ASAP1: variants seen among roughly 807,000 people sequenced by gnomAD.
The protein encoded by ASAP1 is ArfGAP with SH3 domain, ankyrin repeat and PH domain 1.
In ASAP1, 43 loss-of-function variants were observed where a neutral mutation model predicts 145.2. The ratio of observed to expected loss-of-function variants is 0.30; its 90% CI spans 0.23 to 0.38. The LOEUF is 0.38. Among genes scored for constraint, ASAP1 ranks in the 10% least tolerant of loss-of-function variants. The pLI is 1.00. For synonymous variants in ASAP1, 546 were observed against 515.5 expected (o/e 1.06, Z -0.80); for missense variants, 1,018 against 1,355.3 (o/e 0.75, Z 3.91).
intron 2 of ASAP1, among the ~76,000 whole-genome samples, chr8:130,374,186 A>C (rs1827367571): frequency 6.6e-6 from 1 of 152,178 alleles, no homozygotes; most frequent in South Asian, 2.1e-4. Context: ...CTCATCTCTA[A>C]AATGAGGCTA....
chr8:130,098,518 A>AT (rs763171255), intron 24 of ASAP1, among the ~76,000 whole-genome samples: 3 of 151,742 alleles, frequency 2.0e-5, no homozygotes, highest in Non-Finnish European at 4.4e-5. Flanking sequence ...TAATTTTTGT[A>AT]TTTTTTTAGT....
At chr8:130,092,639 G>A (rs143710179) in intron 24 of ASAP1, among the ~76,000 whole-genome samples, 92 of 152,242 alleles carry the variant, frequency 6.0e-4, no homozygotes, top group African/African-American at 1.9e-3. Context: ...GGTAAGAAGA[G>A]TGTGTGCTTT....
intron 1 of ASAP1, among the ~76,000 whole-genome samples, chr8:130,419,322 A>C (rs1198221248): frequency 1.3e-5 from 2 of 152,154 alleles, no homozygotes; most frequent in Non-Finnish European, 2.9e-5. Flanking sequence ...GTCTGCCACT[A>C]ATTACTTTAG....
At chr8:130,351,181 C>A (rs547418604) in intron 3 of ASAP1, among the ~76,000 whole-genome samples, 1 of 152,150 alleles carries the variant, frequency 6.6e-6, no homozygotes. Flanking sequence ...GCCTTTCTCA[C>A]GGGTCCTGCA....
intron 14 of ASAP1, 110 bp from the exon 15 acceptor site, chr8:130,134,454 T>C: frequency 1.6e-6 from 1 of 610,594 alleles, no homozygotes; most frequent in Non-Finnish European, 2.6e-6. Flanking sequence ...AGAATTTTAA[T>C]ATTATTTTAG....
intron 3 of ASAP1, among the ~76,000 whole-genome samples, chr8:130,270,681 T>TA (rs1328626485): frequency 6.6e-6 from 1 of 152,122 alleles, no homozygotes; most frequent in Non-Finnish European, 1.5e-5. Context: ...TTGAGTTTAA[T>TA]AAAAAACAAA....
intron 13 of ASAP1, among the ~76,000 whole-genome samples, chr8:130,146,730 C>A (rs915001237): frequency 6.6e-6 from 1 of 152,036 alleles, no homozygotes; most frequent in Admixed American, 6.5e-5. Flanking sequence ...CTGGATGGGG[C>A]AAGAAAACAA....
intron 28 of ASAP1, among the ~76,000 whole-genome samples, chr8:130,058,794 T>G (rs983359324): frequency 6.6e-6 from 1 of 152,104 alleles, no homozygotes; most frequent in East Asian, 1.9e-4. Flanking sequence ...TTGGGTGGAG[T>G]GCCTCTTCCT....
chr8:130,281,121 G>A (rs556092506), intron 3 of ASAP1, among the ~76,000 whole-genome samples: 26 of 152,138 alleles, frequency 1.7e-4, no homozygotes, highest in Middle Eastern at 3.4e-3. Context: ...GATAACCTGG[G>A]GCTGTATGAC....
chr8:130,412,601 C>A (rs986528947), intron 1 of ASAP1, among the ~76,000 whole-genome samples: 2 of 151,998 alleles, frequency 1.3e-5, no homozygotes, highest in African/African-American at 4.8e-5. Context: ...TATAACAATG[C>A]AAGAATGACC....
At chr8:130,300,184 A>AGAGC (rs1554876475) in intron 3 of ASAP1, among the ~76,000 whole-genome samples, 24 of 140,342 alleles carry the variant, frequency 1.7e-4, no homozygotes, top group South Asian at 2.4e-4. Context: ...AGAGAGAGAG[A>AGAGC]GAGCGAGCGA....
chr8:130,328,727 C>T (rs1156955512), intron 3 of ASAP1, among the ~76,000 whole-genome samples: 1 of 151,788 alleles, frequency 6.6e-6, no homozygotes, highest in Non-Finnish European at 1.5e-5. Context: ...CTCAAGCAAT[C>T]CTCCCACCTC....
chr8:130,262,773 T>C (rs572325065), intron 3 of ASAP1, among the ~76,000 whole-genome samples: 1 of 152,320 alleles, frequency 6.6e-6, no homozygotes, highest in South Asian at 2.1e-4. Flanking sequence ...CATTATTAAA[T>C]GCTTCACATT....
In ASAP1 at chr8:130,079,928, C is replaced by A. The variant is rs748103594; in HGVS notation, c.2616G>T (p.Lys872Asn). 5.6e-6 allele frequency: 9 copies of A among 1,614,174 alleles called. 1 individual carries two copies. In the South Asian group the frequency reaches 9.9e-5, roughly 18 times the overall value. ...GPSSSSKTTNKFEGLSQQSST... is the reference protein window; with the variant it reads ...GPSSSSKTTNNFEGLSQQSST... ...TCGACTGCTGGGATAGTCCCTCAAA[C>A]TTGTTTGTAGTCTTACTTGAAGAGG... Residue 872 changes from lysine to asparagine, a missense_variant, in exon 26 of 30, where the codon AAG becomes AAT. By Grantham distance (94) the Lys-to-Asn change is moderately conservative (BLOSUM62 0). Around this residue, in one of 9 missense-constraint regions of ASAP1, gnomAD observed 353 missense variants for 375.4 expected, o/e 0.94. Coordinates refer to ENST00000518721, the MANE Select transcript of ASAP1 (RefSeq NM_018482.4).
At chr8:130,388,197 G>C (rs140907672) in intron 2 of ASAP1, among the ~76,000 whole-genome samples, 20 of 152,320 alleles carry the variant, frequency 1.3e-4, no homozygotes, top group African/African-American at 4.8e-4. Context: ...GTGAGGAACA[G>C]AACGGAGGCC....
At chr8:130,094,543 T>C (rs1312147383) in intron 24 of ASAP1, among the ~76,000 whole-genome samples, 2 of 152,056 alleles carry the variant, frequency 1.3e-5, no homozygotes, top group South Asian at 4.2e-4. Context: ...TGGATACGAA[T>C]AGTTGTACCT....
At chr8:130,184,727 C>T (rs545806870) in intron 7 of ASAP1, among the ~76,000 whole-genome samples, 13 of 152,136 alleles carry the variant, frequency 8.5e-5, no homozygotes, top group Non-Finnish European at 1.0e-4. Context: ...TTTTAGTTTA[C>T]GTACATTTAT....
rs549648381 is a variant in ASAP1, at chr8:130,233,678, G to A, written c.259+3244C>T. On this transcript the variant is annotated intron_variant, in intron 4 of 29. Transcript: ENST00000518721. The stretch of plus-strand genomic sequence containing the variant: ...CACTTTGTAAGCTTTCTTTTATAGC[G>A]CTTCCTAGTTTCTAGTTATAAATAC... 1.2e-4 allele frequency among the ~76,000 whole-genome samples: 19 copies of A among 152,032 alleles called. No individual in the cohort carries two copies. In the South Asian group the frequency reaches 3.1e-3, roughly 25 times the overall value.
rs528726361 is a variant in ASAP1 at position 130,264,405 on chromosome 8, G to A, written c.187-27411C>T. On this transcript the variant is annotated intron_variant, in intron 3 of 29. Transcript: ENST00000518721. ...AGCCAAGTCCTCTCAGTCAGCAAAG[G>A]CAGTCGTGCGTGCCAGGCAGCTGAC... Among the ~76,000 whole-genome samples the A allele has an allele frequency of 3.3e-5, 5 of 152,282 alleles. No homozygotes were observed. In the South Asian group the frequency reaches 8.3e-4, roughly 25 times the overall value.
Sources: gnomAD v4.1 joint callset for allele counts (sites outside exome capture counted in the v4.1 genomes callset) on GRCh38, gnomAD v4.1.1 for gene constraint, gnomAD v4.1.1 regional missense constraint, MANE v1.5 for transcripts, NCBI Gene and HGNC (gene_info 2026-07-23, HGNC 2026-07-21) for gene names.